ADAMTSL1: variants seen among roughly 807,000 people sequenced by gnomAD.
ADAMTSL1 encodes the protein ADAMTS like 1, also known as ADAMTS-like protein 1.
ADAMTSL1 carries 126 observed loss-of-function variants against 201.8 expected under a neutral mutation model. The observed-to-expected ratio is 0.62, with a 90% confidence interval of 0.54 to 0.72. The LOEUF (loss-of-function observed/expected upper bound fraction) is 0.72, where lower values mean the gene tolerates loss of function less well. Among genes scored for constraint, ADAMTSL1 ranks in the 30% least tolerant of loss-of-function variants. ADAMTSL1 has a pLI of 0.00. For missense variants in ADAMTSL1, 2,679 were observed against 2,277.8 expected (o/e 1.18, Z -3.59); for synonymous variants, 1,121 against 903.4 (o/e 1.24, Z -4.32).
rs199973863 is a variant in ADAMTSL1 at position 18,850,747 on chromosome 9, AC to A, written c.4249+20772del. ...GGTAAATTCTAGCCCCAGTCAACCT[AC>A]CGTTTTATTAACTTACTCATTTTAT... On this transcript the variant is annotated intron_variant, in intron 23 of 28. Coordinates refer to ENST00000380548, the MANE Select transcript of ADAMTSL1 (RefSeq NM_001040272.6). Among the ~76,000 whole-genome samples, 944 of 152,330 alleles carry A rather than the reference AC, an allele frequency of 6.2e-3. 14 individuals are homozygous for A. Among genetic ancestry groups the A allele is most frequent in the African/African-American group, 0.021 (861 of 41,574 alleles).
chr9:18,771,917 G>A (rs541031735), intron 17 of ADAMTSL1, among the ~76,000 whole-genome samples: 61 of 152,166 alleles, frequency 4.0e-4, no homozygotes, highest in African/African-American at 1.4e-3. Context: ...CCTGCTAAGT[G>A]CATTGCAATT....
chr9:18,873,027 G>C (rs1234414603), intron 23 of ADAMTSL1, among the ~76,000 whole-genome samples: 1 of 152,136 alleles, frequency 6.6e-6, no homozygotes, highest in Non-Finnish European at 1.5e-5. Context: ...GCAGGAGTAA[G>C]GTGGTATCAC....
intron 2 of ADAMTSL1, among the ~76,000 whole-genome samples, chr9:18,413,864 A>C (rs1323071675): frequency 1.3e-5 from 2 of 152,234 alleles, no homozygotes; most frequent in Non-Finnish European, 2.9e-5. Context: ...TTAAAATAAA[A>C]GATTGGCCAC....
intron 9 of ADAMTSL1, among the ~76,000 whole-genome samples, chr9:18,663,218 A>G (rs1329831415): frequency 1.3e-5 from 2 of 152,132 alleles, no homozygotes; most frequent in African/African-American, 4.8e-5. Context: ...GTGATATGAA[A>G]TTGCTGTTAT....
chr9:18,701,241 G>A (rs1000108819), intron 13 of ADAMTSL1, among the ~76,000 whole-genome samples: 20 of 119,580 alleles, frequency 1.7e-4, no homozygotes, highest in Admixed American at 4.3e-4. Flanking sequence ...TTTTGAGACA[G>A]AGTCTCACTC....
chr9:18,207,379 C>T (rs1163746601), intron 2 of ADAMTSL1, among the ~76,000 whole-genome samples: 1 of 152,048 alleles, frequency 6.6e-6, no homozygotes, highest in East Asian at 1.9e-4. Context: ...CTCAAAAAAC[C>T]CTAAGCCTTA....
chr9:18,646,385 T>C (rs1827813440), intron 7 of ADAMTSL1, among the ~76,000 whole-genome samples: 1 of 152,020 alleles, frequency 6.6e-6, no homozygotes, highest in African/African-American at 2.4e-5. Flanking sequence ...CTTTATTTCC[T>C]TCTCCTGCCT....
At position 17,947,965 on chromosome 9, in the gene ADAMTSL1, T is replaced by C. The variant is rs73416843; in HGVS notation, c.87+41043T>C. Among the ~76,000 whole-genome samples, 1,466 of 152,226 alleles carry C rather than the reference T, an allele frequency of 9.6e-3. 27 individuals are homozygous for C. The highest frequency in any genetic ancestry group is 0.033 in the African/African-American group (1,364 of 41,548). ...CAACTACCAATTTTTGAAGCAGACA[T>C]TGATGCTTCTTGGACAGATTGTGGT... On this transcript the variant is annotated intron_variant, in intron 1 of 29. Transcript: ENST00000680146.
intron 1 of ADAMTSL1, among the ~76,000 whole-genome samples, chr9:18,160,023 C>T (rs1453403349): frequency 6.6e-6 from 1 of 151,992 alleles, no homozygotes; most frequent in African/African-American, 2.4e-5. Flanking sequence ...TCTGAAACAT[C>T]TCTAGATGAT....
At chr9:17,991,886 G>A (rs1487307392) in intron 1 of ADAMTSL1, among the ~76,000 whole-genome samples, 1 of 152,106 alleles carries the variant, frequency 6.6e-6, no homozygotes, top group African/African-American at 2.4e-5. Context: ...GGGAACATGA[G>A]ACAGGGCCCT....
intron 1 of ADAMTSL1, among the ~76,000 whole-genome samples, chr9:18,157,295 A>G (rs1827197943): frequency 6.6e-6 from 1 of 151,984 alleles, no homozygotes; most frequent in Non-Finnish European, 1.5e-5. Context: ...TTTACGTTTG[A>G]TAGTTTTATT....
intron 1 of ADAMTSL1, among the ~76,000 whole-genome samples, chr9:18,026,585 T>A (rs973144997): frequency 1.3e-5 from 2 of 152,106 alleles, no homozygotes; most frequent in African/African-American, 4.8e-5. Context: ...TAACTTTTGA[T>A]GTGCTGCTGG....
At chr9:18,065,750 G>C (rs1168234658) in intron 1 of ADAMTSL1, among the ~76,000 whole-genome samples, 1 of 152,094 alleles carries the variant, frequency 6.6e-6, no homozygotes, top group African/African-American at 2.4e-5. Context: ...GGAGGCCGAG[G>C]CGGGTGGATC....
At chr9:18,808,241 C>T (rs1823286460) in intron 20 of ADAMTSL1, among the ~76,000 whole-genome samples, 1 of 152,114 alleles carries the variant, frequency 6.6e-6, no homozygotes, top group African/African-American at 2.4e-5. Flanking sequence ...TACCCTGTCA[C>T]CTGAGATTCA....
Position 18,777,391 on chromosome 9 carries a change from G to T in ADAMTSL1, c.3162G>T (p.Ser1054=), listed in dbSNP as rs1254346702. 1.9e-6 allele frequency: 3 copies of T among 1,603,256 alleles called. No individual in the cohort carries two copies. The highest frequency in any genetic ancestry group is 2.7e-5 in the African/African-American group (2 of 74,732). ...AQDSAERNTT[S]EEDPGAEQVL... The stretch of plus-strand genomic sequence containing the variant: ...ACTCTGCGGAAAGGAACACGACCTC[G>T]GAGGAGGACCCGGGTGCAGAGCAAG... Residue 1054 remains serine (S), a synonymous_variant, in exon 19 of 29, where the codon TCG becomes TCT. Coordinates refer to ENST00000380548, the MANE Select transcript of ADAMTSL1 (RefSeq NM_001040272.6).
At chr9:18,278,396 T>C (rs539837620) in intron 2 of ADAMTSL1, among the ~76,000 whole-genome samples, 9 of 152,346 alleles carry the variant, frequency 5.9e-5, no homozygotes, top group Non-Finnish European at 4.4e-5. Context: ...CTCTCTTTTG[T>C]TTCTAAAGAA....
intron 17 of ADAMTSL1, among the ~76,000 whole-genome samples, chr9:18,774,840 A>G (rs192360243): frequency 1.9e-3 from 295 of 152,218 alleles, no homozygotes; most frequent in Non-Finnish European, 3.3e-3. Flanking sequence ...TACTGCTATG[A>G]ATGTTTGCAC....
At chr9:18,654,828 A>G (rs1828523098) in intron 7 of ADAMTSL1, among the ~76,000 whole-genome samples, 1 of 152,218 alleles carries the variant, frequency 6.6e-6, no homozygotes, top group African/African-American at 2.4e-5. Flanking sequence ...ATACTGATGT[A>G]TGTTCACTGT....
chr9:18,749,203 A>C (rs1195418920), intron 15 of ADAMTSL1, among the ~76,000 whole-genome samples: 1 of 152,050 alleles, frequency 6.6e-6, no homozygotes, highest in Non-Finnish European at 1.5e-5. Context: ...CTTTTTTTGG[A>C]GACACAGGTC....
Sources: allele counts gnomAD v4.1 joint callset (sites outside exome capture counted in the v4.1 genomes callset), GRCh38; gene constraint gnomAD v4.1.1; transcripts MANE v1.5; gene names NCBI Gene and HGNC (gene_info 2026-07-23, HGNC 2026-07-21).